Variants in CFAP299 observed in about 807,000 individuals in gnomAD.
The protein encoded by CFAP299 is cilia- and flagella-associated protein 299.
A neutral mutation model predicts 27.0 loss-of-function variants in CFAP299; 21 were observed. That is an observed-to-expected ratio of 0.78 (90% CI 0.55 to 1.12). The LOEUF (loss-of-function observed/expected upper bound fraction) is 1.12. Ranked by LOEUF, CFAP299 falls within the 50% of genes most tolerant of loss-of-function variation. The pLI is 0.00. For missense variants in CFAP299, 310 were observed against 276.6 expected (o/e 1.12, Z -0.86); for synonymous variants, 104 against 98.1 (o/e 1.06, Z -0.36).
intron 3 of CFAP299, among the ~76,000 whole-genome samples, chr4:80,645,478 C>T (rs1739960405): frequency 6.6e-6 from 1 of 152,112 alleles, no homozygotes; most frequent in South Asian, 2.1e-4. Flanking sequence ...AGATTTGATA[C>T]ATAAATACAC....
At chr4:80,822,908 C>T (rs1729782798) in intron 3 of CFAP299, among the ~76,000 whole-genome samples, 1 of 152,044 alleles carries the variant, frequency 6.6e-6, no homozygotes, top group Non-Finnish European at 1.5e-5. Flanking sequence ...TTGTTTTTGT[C>T]TCTTTTTTTT....
At chr4:80,626,043 A>G (rs1209175005) in intron 3 of CFAP299, among the ~76,000 whole-genome samples, 1 of 151,940 alleles carries the variant, frequency 6.6e-6, no homozygotes, top group Non-Finnish European at 1.5e-5. Context: ...TGGACATAAC[A>G]AATATATGCC....
At chr4:80,721,010 A>G (rs947825982) in intron 3 of CFAP299, among the ~76,000 whole-genome samples, 2 of 152,202 alleles carry the variant, frequency 1.3e-5, no homozygotes, top group African/African-American at 2.4e-5. Flanking sequence ...AGTAGGGTAA[A>G]CATTAAAGAA....
At chr4:80,930,840 AC>A (rs904339526) in intron 4 of CFAP299, among the ~76,000 whole-genome samples, 8 of 151,448 alleles carry the variant, frequency 5.3e-5, no homozygotes, top group African/African-American at 1.7e-4. Context: ...CCCAAATCCC[AC>A]CCCTTTTCCT....
At chr4:80,767,598 G>T (rs1315728033) in intron 3 of CFAP299, among the ~76,000 whole-genome samples, 1 of 152,156 alleles carries the variant, frequency 6.6e-6, no homozygotes, top group Non-Finnish European at 1.5e-5. Context: ...AACAGAGCGA[G>T]ACTCCGTCTC....
chr4:80,660,664 G>C (rs1577986265), intron 3 of CFAP299, among the ~76,000 whole-genome samples: 1 of 152,140 alleles, frequency 6.6e-6, no homozygotes, highest in East Asian at 1.9e-4. Context: ...TTTTGCCTTT[G>C]GTTTCAAGGG....
At position 80,668,110 on chromosome 4, in the gene CFAP299, C is replaced by T. The variant is rs536356271; in HGVS notation, c.333+84927C>T. Among the ~76,000 whole-genome samples, 6 of 151,422 alleles carry T rather than the reference C, an allele frequency of 4.0e-5. No individual in the cohort carries two copies. The South Asian group carries it at 1.0e-3, about 26-fold the overall frequency. On this transcript the variant is annotated intron_variant, in intron 3 of 5. Transcript: ENST00000358105. Reference sequence around the variant, plus strand: ...TTTTATCTGTTGGCCCTCTGTATTTCGTCTTTTGGGAAATATCTATTCAGT... The same window carrying T: ...TTTTATCTGTTGGCCCTCTGTATTTTGTCTTTTGGGAAATATCTATTCAGT...
At chr4:80,808,731 A>C (rs1165209373) in intron 3 of CFAP299, among the ~76,000 whole-genome samples, 1 of 152,074 alleles carries the variant, frequency 6.6e-6, no homozygotes, top group Non-Finnish European at 1.5e-5. Context: ...CATCTCTTAC[A>C]TGTGACACAT....
chr4:80,541,096 T>A (rs977576497), intron 2 of CFAP299, among the ~76,000 whole-genome samples: 1 of 151,708 alleles, frequency 6.6e-6, no homozygotes, highest in African/African-American at 2.4e-5. Context: ...TTTTTCGTTT[T>A]ACAAGAAATA....
intron 4 of CFAP299, among the ~76,000 whole-genome samples, chr4:80,891,022 C>T (rs1377534963): frequency 6.6e-6 from 1 of 152,050 alleles, no homozygotes; most frequent in Admixed American, 6.6e-5. Context: ...CCTGTTCACT[C>T]TGACGGTAGT....
intron 3 of CFAP299, among the ~76,000 whole-genome samples, chr4:80,696,626 A>G (rs1349413473): frequency 6.6e-6 from 1 of 152,204 alleles, no homozygotes. Context: ...AAACTTAATA[A>G]TTTCATGTGA....
chr4:80,531,727 T>C (rs34525333), intron 2 of CFAP299, among the ~76,000 whole-genome samples: 20,200 of 151,180 alleles, frequency 0.13, 1,610 homozygotes, highest in African/African-American at 0.21. Flanking sequence ...TGTGACCCAT[T>C]TCTGACTGAT....
chr4:80,856,582 A>G (rs1365379336), intron 3 of CFAP299, among the ~76,000 whole-genome samples: 6 of 151,842 alleles, frequency 4.0e-5, no homozygotes, highest in African/African-American at 1.2e-4. Flanking sequence ...ATTTTTGTAT[A>G]AGGTGTAAGG....
intron 2 of CFAP299, among the ~76,000 whole-genome samples, chr4:80,447,128 T>G (rs1728661834): frequency 1.7e-5 from 2 of 116,412 alleles, no homozygotes; most frequent in East Asian, 2.6e-4. Context: ...TGTTTTTTTT[T>G]TGTTTTTTTT....
chr4:80,914,655 A>G (rs146333832), intron 4 of CFAP299, among the ~76,000 whole-genome samples: 181 of 152,244 alleles, frequency 1.2e-3, no homozygotes, highest in African/African-American at 3.9e-3. Context: ...TCTTTGCATG[A>G]GCTTATATAT....
intron 3 of CFAP299, among the ~76,000 whole-genome samples, chr4:80,789,674 A>T (rs745603104): frequency 6.6e-6 from 1 of 152,046 alleles, no homozygotes; most frequent in Non-Finnish European, 1.5e-5. Flanking sequence ...TACTTTAGAG[A>T]TGAGCAAACA....
At chr4:80,706,165 T>C (rs913781047) in intron 3 of CFAP299, among the ~76,000 whole-genome samples, 7 of 151,790 alleles carry the variant, frequency 4.6e-5, no homozygotes, top group Admixed American at 2.0e-4. Flanking sequence ...CAATTTGACT[T>C]CAAATGTAGG....
intron 2 of CFAP299, among the ~76,000 whole-genome samples, chr4:80,472,444 C>T (rs1022150208): frequency 6.6e-6 from 1 of 152,154 alleles, no homozygotes; most frequent in African/African-American, 2.4e-5. Context: ...GCCGTCAGAA[C>T]CCAACGGATG....
intron 2 of CFAP299, among the ~76,000 whole-genome samples, chr4:80,404,223 C>CAT (rs139393902): frequency 3.2e-4 from 48 of 151,012 alleles, no homozygotes; most frequent in Non-Finnish European, 4.6e-4. Context: ...ATAATATTAT[C>CAT]ATATATATAT....
Sources: allele counts gnomAD v4.1 joint callset (sites outside exome capture counted in the v4.1 genomes callset), GRCh38; gene constraint gnomAD v4.1.1; transcripts MANE v1.5; gene names NCBI Gene and HGNC (gene_info 2026-07-23, HGNC 2026-07-21).